RNF121: variants seen among roughly 807,000 people sequenced by gnomAD.
RNF121 encodes ring finger protein 121.
Under a neutral mutation model 46.5 loss-of-function variants are expected in RNF121, and 21 were observed. That is an observed-to-expected ratio of 0.45 (90% CI 0.32 to 0.65). RNF121 has a LOEUF of 0.65. Ranked by LOEUF, RNF121 falls within the 30% of genes least tolerant of loss-of-function variation. RNF121 has a pLI of 0.04. For synonymous variants in RNF121, 139 were observed against 144.7 expected, an observed-to-expected ratio of 0.96 and a Z score of 0.28; for missense variants, 346 against 416.0, an observed-to-expected ratio of 0.83 and a Z score of 1.46.
chr11:71,936,242 A>G (rs1022008771), intron 1 of RNF121, among the ~76,000 whole-genome samples: 1 of 152,160 alleles, frequency 6.6e-6, no homozygotes, highest in Non-Finnish European at 1.5e-5. Flanking sequence ...GGAAAAGACA[A>G]AAAGGCTTAC....
At chr11:71,956,857 A>G (rs1954001766) in intron 1 of RNF121, among the ~76,000 whole-genome samples, 1 of 152,212 alleles carries the variant, frequency 6.6e-6, no homozygotes. Flanking sequence ...AGATTGGGTT[A>G]AAAGGTTAAA....
rs770121817 is a variant in RNF121 at position 71,967,349 on chromosome 11, G to GTTTTTTTTTTTTTTTTTTTTT, written c.243+6476_243+6477insTTTTTTTTTTTTTTTTTTTTT. Among the ~76,000 whole-genome samples, 2 of 100,524 alleles carry GTTTTTTTTTTTTTTTTTTTTT rather than the reference G, an allele frequency of 2.0e-5. 1 individual carries two copies. The highest frequency in any genetic ancestry group is 3.5e-5 in the Non-Finnish European group (2 of 56,444). 65.9% of individuals were successfully genotyped at this position (100,524 alleles called of 152,430 possible). A position where few individuals can be genotyped will look rare whatever the true frequency, so the allele number is the denominator to read the frequency against. On this transcript the variant is annotated intron_variant, in intron 3 of 8. Transcript: ENST00000361756. Reference sequence around the variant, plus strand: ...GGTAATAATTATGTGGGTTTTTTTTGTTTTTTTTTTTTTTTTTTGAGACGG... The same window carrying GTTTTTTTTTTTTTTTTTTTTT: ...GGTAATAATTATGTGGGTTTTTTTTGTTTTTTTTTTTTTTTTTTTTTTTTTTTTTTTTTTTTTTTGAGACGG...
intron 1 of RNF121, among the ~76,000 whole-genome samples, chr11:71,951,280 G>A (rs2134165624): frequency 6.6e-6 from 1 of 151,926 alleles, no homozygotes; most frequent in African/African-American, 2.4e-5. Flanking sequence ...GGAAACTGAG[G>A]CATAGAGAGA....
At chr11:71,976,860 T>G (rs913587640) in intron 3 of RNF121, among the ~76,000 whole-genome samples, 2 of 152,218 alleles carry the variant, frequency 1.3e-5, no homozygotes, top group African/African-American at 2.4e-5. Context: ...TTTCAGCTTA[T>G]TAGCTCATGG....
intron 1 of RNF121, 141 bp from the exon 2 acceptor site, chr11:71,957,086 T>C: frequency 1.4e-6 from 1 of 730,300 alleles, no homozygotes; most frequent in South Asian, 1.5e-5. Context: ...TGAAATAGAA[T>C]GGTTGGTAAG....
chr11:71,968,372 G>A (rs1012315465), intron 3 of RNF121, among the ~76,000 whole-genome samples: 2 of 152,072 alleles, frequency 1.3e-5, no homozygotes, highest in African/African-American at 4.8e-5. Context: ...ATTTATGAAC[G>A]ATCTTGTTGG....
chr11:71,986,784 A>G (rs531608484), intron 4 of RNF121, among the ~76,000 whole-genome samples: 3 of 151,548 alleles, frequency 2.0e-5, no homozygotes, highest in South Asian at 2.1e-4. Flanking sequence ...AAAAAAAAAA[A>G]AAAAAGAAAA....
intron 6 of RNF121, among the ~76,000 whole-genome samples, chr11:71,991,197 A>C (rs1455359147): frequency 6.6e-6 from 1 of 151,528 alleles, no homozygotes; most frequent in Admixed American, 6.6e-5. Context: ...ACAAACCTGC[A>C]CATGTACCCT....
rs1954006096 is a variant in RNF121, at chr11:71,957,162, C to T, written c.64-65C>T. The T allele has an allele frequency of 5.0e-6, 5 of 994,780 alleles. No individual in the cohort carries two copies. The East Asian group carries it at 7.1e-5, about 14-fold the overall frequency. The allele number at this position is 994,780 out of a possible 1,614,324, so 61.6% of individuals were successfully genotyped here. On this transcript the variant is annotated intron_variant, in intron 1 of 8. Coordinates refer to ENST00000361756, the MANE Select transcript of RNF121 (RefSeq NM_018320.5). ...TTGAAGATACTGATAAATGTGTGAG[C>T]ACCTTATATTGGCAGGGACAGTTTT... is the stretch of plus-strand genomic sequence containing the variant.
chr11:71,982,538 G>T (rs564790329), intron 3 of RNF121, among the ~76,000 whole-genome samples: 1 of 152,240 alleles, frequency 6.6e-6, no homozygotes, highest in East Asian at 1.9e-4. Context: ...CAAATGGAAA[G>T]GAAAGAATAT....
At chr11:71,944,946 A>C (rs1307202182) in intron 1 of RNF121, among the ~76,000 whole-genome samples, 1 of 152,014 alleles carries the variant, frequency 6.6e-6, no homozygotes, top group Non-Finnish European at 1.5e-5. Context: ...ATTAAAGATC[A>C]AGTAGGATTA....
chr11:71,990,456 G>C (rs2276385), intron 5 of RNF121, 141 bp from the exon 6 acceptor site: 34,080 of 970,076 alleles, frequency 0.035, 646 homozygotes, highest in East Asian at 0.067. Flanking sequence ...ACAGCAGACT[G>C]GATTTGGTCA....
intron 4 of RNF121, among the ~76,000 whole-genome samples, chr11:71,985,704 G>A (rs1954758835): frequency 6.6e-6 from 1 of 152,150 alleles, no homozygotes; most frequent in African/African-American, 2.4e-5. Flanking sequence ...GCTTGTGCTG[G>A]TTATTCAGAC....
chr11:71,961,569 A>G (rs1366374368), intron 3 of RNF121, among the ~76,000 whole-genome samples: 1 of 152,234 alleles, frequency 6.6e-6, no homozygotes, highest in East Asian at 1.9e-4. Context: ...CTCAAAAAAA[A>G]GAAAAAGAAA....
chr11:71,960,781 C>T lies in RNF121; in HGVS notation c.133C>T (p.Arg45Cys), dbSNP rs1239160549. ...VEHARMHAKH[R>C]GHEAMHAEMV... ...GCACGCACGCATGCATGCCAAGCAC[C>T]GTGGCCATGAAGCTATGCATGCTGA... Residue 45 changes from arginine (R) to cysteine (C), a missense_variant, in exon 3 of 9, where the codon CGT (arginine) becomes TGT (cysteine). By Grantham distance (180) the Arg-to-Cys change is radical. Around this residue, in one of 2 missense-constraint regions of RNF121, gnomAD observed 286 missense variants for 383.8 expected, o/e 0.75. Coordinates refer to ENST00000361756, the MANE Select transcript of RNF121 (RefSeq NM_018320.5). 4 of 1,613,932 alleles carry T rather than the reference C, an allele frequency of 2.5e-6. No homozygotes were observed. The highest frequency in any genetic ancestry group is 1.1e-5 in the South Asian group (1 of 91,078).
At chr11:71,982,126 C>G (rs1012457624) in intron 3 of RNF121, among the ~76,000 whole-genome samples, 3 of 151,916 alleles carry the variant, frequency 2.0e-5, no homozygotes, top group African/African-American at 7.3e-5. Flanking sequence ...CGGGGCCATA[C>G]CATGGGGGAT....
chr11:71,939,053 C>T (rs1016615343), intron 1 of RNF121, among the ~76,000 whole-genome samples: 4 of 152,052 alleles, frequency 2.6e-5, no homozygotes, highest in African/African-American at 7.2e-5. Flanking sequence ...TACAGGCACC[C>T]GCCATCATGC....
At chr11:71,956,631 G>A (rs1453810831) in intron 1 of RNF121, among the ~76,000 whole-genome samples, 3 of 152,222 alleles carry the variant, frequency 2.0e-5, no homozygotes, top group Non-Finnish European at 4.4e-5. Context: ...GGCTACCATA[G>A]GGCCATTTAG....
In RNF121 at chr11:71,990,729, C is replaced by G. The variant is rs148968024; in HGVS notation, c.627+12C>G. 1.9e-6 allele frequency: 3 copies of G among 1,612,436 alleles called. No individual in the cohort carries two copies. Among genetic ancestry groups the G allele is most frequent in the East Asian group, 2.2e-5 (1 of 44,876 alleles). The stretch of plus-strand genomic sequence containing the variant: ...CATCTACCATAGGGGTAAGTTCATC[C>G]GGGTTCTTAAATACTGCTTCTTGAC... On this transcript the variant is annotated intron_variant, in intron 6 of 8. Transcript: ENST00000361756.
Sources: allele counts gnomAD v4.1 joint callset (sites outside exome capture counted in the v4.1 genomes callset), GRCh38; gene constraint gnomAD v4.1.1; regional missense constraint gnomAD v4.1.1; transcripts MANE v1.5; gene names NCBI Gene and HGNC (gene_info 2026-07-23, HGNC 2026-07-21).